The following TP63 variants were observed in gnomAD, a reference collection of about 807,000 sequenced individuals.
TP63 encodes the protein tumor protein p63, also known as tumor protein 63.
In TP63, 17 loss-of-function variants were observed where a neutral mutation model predicts 82.8. The observed-to-expected ratio is 0.21, with a 90% CI of 0.14 to 0.31. The LOEUF (loss-of-function observed/expected upper bound fraction) is 0.31, where lower values mean the gene tolerates loss of function less well. Among genes scored for constraint, TP63 ranks in the 10% least tolerant of loss-of-function variants. TP63 has a pLI of 1.00. For synonymous variants in TP63, 330 were observed against 321.7 expected (o/e 1.03, Z -0.28); for missense variants, 648 against 895.3 (o/e 0.72, Z 3.52).
rs1015114649 is a variant in TP63, at chr3:189,852,063, G to A, written c.580-12169G>A. 5.0e-4 allele frequency among the ~76,000 whole-genome samples: 76 copies of A among 152,158 alleles called. 1 individual carries two copies. Among genetic ancestry groups the A allele is most frequent in the Non-Finnish European group, 3.2e-4 (22 of 68,032 alleles). On this transcript the variant is annotated intron_variant, in intron 4 of 13. Transcript: ENST00000264731. ...ATTCCTCTTTTCTTAGAAGAAATGG[G>A]AGTACTCAGTTAAGACTACATGAAG... is the stretch of plus-strand genomic sequence containing the variant.
intron 1 of TP63, among the ~76,000 whole-genome samples, chr3:189,640,592 A>G (rs1368686146): frequency 6.6e-6 from 1 of 152,126 alleles, no homozygotes; most frequent in African/African-American, 2.4e-5. Flanking sequence ...TGCTCTATAA[A>G]TGCACTACCG....
At chr3:189,597,123 G>C in the TP63 span, among the ~76,000 whole-genome samples, 2 of 152,194 alleles carry the variant, frequency 1.3e-5, no homozygotes, top group African/African-American at 4.8e-5. Flanking sequence ...CTTCATTCTT[G>C]AAGTCAGAGA....
chr3:189,894,545 G>T lies in TP63; in HGVS notation c.*43G>T. 2 of 1,607,314 alleles carry T rather than the reference G, an allele frequency of 1.2e-6. No individual in the cohort carries two copies. Among genetic ancestry groups the T allele is most frequent in the Non-Finnish European group, 1.7e-6 (2 of 1,178,768 alleles). On this transcript the variant is annotated 3_prime_UTR_variant, in exon 14 of 14. Transcript: ENST00000264731. ...CTTCCTATCCCTCTCCTAACTGCCAGCCCCCTAAAAGCACTCCTGCTTAAT... is the reference window on the plus strand; with the variant it reads ...CTTCCTATCCCTCTCCTAACTGCCATCCCCCTAAAAGCACTCCTGCTTAAT...
At chr3:189,756,930 C>G (rs2108530995) in intron 3 of TP63, among the ~76,000 whole-genome samples, 2 of 152,298 alleles carry the variant, frequency 1.3e-5, no homozygotes, top group East Asian at 3.9e-4. Flanking sequence ...TGATTCTGAC[C>G]TTGCATCCTC....
chr3:189,779,881 C>A (rs1218912276), intron 3 of TP63, among the ~76,000 whole-genome samples: 1 of 152,200 alleles, frequency 6.6e-6, no homozygotes, highest in Non-Finnish European at 1.5e-5. Flanking sequence ...ACTTTCCAAG[C>A]TGCAGGAAAT....
chr3:189,875,394 C>T (rs1042970711), intron 10 of TP63, among the ~76,000 whole-genome samples: 4 of 150,672 alleles, frequency 2.7e-5, no homozygotes, highest in Admixed American at 2.0e-4. Flanking sequence ...GGTGAAACCC[C>T]GTCGCTACTA....
chr3:189,787,653 C>T (rs1169508425), intron 3 of TP63, among the ~76,000 whole-genome samples: 1 of 152,046 alleles, frequency 6.6e-6, no homozygotes, highest in Non-Finnish European at 1.5e-5. Flanking sequence ...AGTTTGTTTA[C>T]ATTTTTAGTG....
chr3:189,895,795 G>A lies in TP63; in HGVS notation c.*1293G>A, dbSNP rs2071512351. ...TTTCTCTCTCTAAGGTTTACAATAGGAGTGGTGATTTGAAAAATATAAAAT... is the reference window on the plus strand; with the variant it reads ...TTTCTCTCTCTAAGGTTTACAATAGAAGTGGTGATTTGAAAAATATAAAAT... On this transcript the variant is annotated 3_prime_UTR_variant, in exon 14 of 14. Transcript: ENST00000264731. 1 of 226,580 alleles carries A rather than the reference G, an allele frequency of 4.4e-6. No homozygotes were observed. Among genetic ancestry groups the A allele is most frequent in the Non-Finnish European group, 8.8e-6 (1 of 114,020 alleles). The allele number at this position is 226,580 out of a possible 1,614,324, so 14.0% of individuals were successfully genotyped here. A position where few individuals can be genotyped will look rare whatever the true frequency, so the allele number is the denominator to read the frequency against.
intron 1 of TP63, among the ~76,000 whole-genome samples, chr3:189,696,835 A>G (rs1717417106): frequency 6.6e-6 from 1 of 152,080 alleles, no homozygotes; most frequent in South Asian, 2.1e-4. Context: ...CCTTCTTGAT[A>G]TGTACTTTGT....
chr3:189,764,767 ACACT>A (rs1181283684), intron 3 of TP63, among the ~76,000 whole-genome samples: 1 of 152,164 alleles, frequency 6.6e-6, no homozygotes, highest in African/African-American at 2.4e-5. Flanking sequence ...TTCTCACCAC[ACACT>A]CTTGAAGAGG....
intron 4 of TP63, among the ~76,000 whole-genome samples, chr3:189,833,485 G>C (rs1342810382): frequency 6.6e-6 from 1 of 152,178 alleles, no homozygotes; most frequent in Non-Finnish European, 1.5e-5. Context: ...CAATTCCCCT[G>C]TGACCTGGGG....
chr3:189,865,230 G>A (rs1202385791), intron 5 of TP63, among the ~76,000 whole-genome samples: 5 of 152,114 alleles, frequency 3.3e-5, no homozygotes, highest in African/African-American at 4.8e-5. Flanking sequence ...GAGAAGGCAA[G>A]TAATGGGTAA....
At chr3:189,875,637 T>TATATATAA (rs1169970699) in intron 10 of TP63, among the ~76,000 whole-genome samples, 4 of 128,814 alleles carry the variant, frequency 3.1e-5, no homozygotes, top group African/African-American at 1.2e-4. Context: ...TATATATATA[T>TATATATAA]AAACTATTCT....
At chr3:189,631,345 C>A, upstream of TP63, 3 of 1,453,298 alleles carry the variant, frequency 2.1e-6, no homozygotes, top group South Asian at 4.1e-5. Context: ...AGAAACGCTC[C>A]GCCTCTTTGC....
chr3:189,732,340 TC>T (rs1720232507), intron 1 of TP63, among the ~76,000 whole-genome samples: 1 of 152,314 alleles, frequency 6.6e-6, no homozygotes, highest in Admixed American at 6.5e-5. Flanking sequence ...ATGTAGCCAG[TC>T]TAAGACAAAA....
At chr3:189,717,131 A>C (rs114399675) in intron 1 of TP63, among the ~76,000 whole-genome samples, 1 of 152,068 alleles carries the variant, frequency 6.6e-6, no homozygotes, top group Admixed American at 6.6e-5. Flanking sequence ...CACACTATCA[A>C]TTGCAACAAC....
At chr3:189,645,343 GT>G (rs1235539674) in intron 1 of TP63, 1 of 526,146 alleles carries the variant, frequency 1.9e-6, no homozygotes, top group East Asian at 3.2e-5. Context: ...CTTTCTTGAA[GT>G]CTAGTAAGCA....
intron 1 of TP63, among the ~76,000 whole-genome samples, chr3:189,717,447 AT>A (rs1270197055): frequency 3.9e-5 from 6 of 152,196 alleles, no homozygotes; most frequent in Non-Finnish European, 5.9e-5. Flanking sequence ...ATTAGCTAAG[AT>A]TTGGGAAGCT....
chr3:189,684,258 A>G (rs991746540), intron 1 of TP63, among the ~76,000 whole-genome samples: 8 of 152,220 alleles, frequency 5.3e-5, no homozygotes, highest in Admixed American at 2.0e-4. Flanking sequence ...AATAAGATAC[A>G]TTCTTCAAAA....
Sources: gnomAD v4.1 joint callset for allele counts (sites outside exome capture counted in the v4.1 genomes callset) on GRCh38, gnomAD v4.1.1 for gene constraint, MANE v1.5 for transcripts, NCBI Gene and HGNC (gene_info 2026-07-23, HGNC 2026-07-21) for gene names.